Variants in CTRB1 observed in about 807,000 individuals in gnomAD.
CTRB1 encodes chymotrypsinogen B.
Under a neutral mutation model 20.4 loss-of-function variants are expected in CTRB1, and 15 were observed. The observed-to-expected ratio is 0.74, with a 90% CI of 0.49 to 1.13. The LOEUF (loss-of-function observed/expected upper bound fraction) is 1.13. Among genes scored for constraint, CTRB1 ranks in the 50% most tolerant of loss-of-function variants. The pLI is 0.00. For synonymous variants in CTRB1, 92 were observed against 128.4 expected (o/e 0.72, Z 1.92); for missense variants, 227 against 290.1 (o/e 0.78, Z 1.58).
At chr16:75,219,852 A>ATG (rs2039055393) in intron 1 of CTRB1, among the ~76,000 whole-genome samples, 1 of 152,250 alleles carries the variant, frequency 6.6e-6, no homozygotes, top group South Asian at 2.1e-4. Context: ...CCTCTCTGGA[A>ATG]TGTGAGCTTG....
intron 1 of CTRB1, among the ~76,000 whole-genome samples, chr16:75,219,312 G>T (rs1395672594): frequency 6.6e-6 from 1 of 152,124 alleles, no homozygotes; most frequent in Non-Finnish European, 1.5e-5. Flanking sequence ...GCAGGGTAAG[G>T]TGTGGCCCCA....
rs183928375 is a variant in CTRB1 at position 75,220,529 on chromosome 16, C to T, written c.52+1470C>T. Among the ~76,000 whole-genome samples, 121 of 152,194 alleles carry T rather than the reference C, an allele frequency of 8.0e-4. 1 individual carries two copies. The highest frequency in any genetic ancestry group is 2.6e-3 in the African/African-American group (106 of 41,538). On this transcript the variant is annotated intron_variant, in intron 1 of 6. Coordinates refer to ENST00000361017, the MANE Select transcript of CTRB1 (RefSeq NM_001906.6). ...CAGGCTGGTCTCGAAATCCTGTGCT[C>T]GAGTGATCTGCTCACCTCAACCTCC...
rs563039725 is a variant in CTRB1 at position 75,220,184 on chromosome 16, T to G, written c.52+1125T>G. On this transcript the variant is annotated intron_variant, in intron 1 of 6. Coordinates refer to ENST00000361017, the MANE Select transcript of CTRB1 (RefSeq NM_001906.6). Reference sequence around the variant, plus strand: ...TAGAGATGGAGGTTTTTTTTGTTATTTTTTTTTCTTTTCTTTGAGACAGAG... The same window carrying G: ...TAGAGATGGAGGTTTTTTTTGTTATGTTTTTTTCTTTTCTTTGAGACAGAG... Among the ~76,000 whole-genome samples, 95 of 150,892 alleles carry G rather than the reference T, an allele frequency of 6.3e-4. 1 individual carries two copies. The South Asian group carries it at 8.2e-3, about 13-fold the overall frequency.
intron 6 of CTRB1, 139 bp downstream of exon 6, chr16:75,224,327 C>A: frequency 1.3e-6 from 2 of 1,488,282 alleles, no homozygotes; most frequent in Non-Finnish European, 9.1e-7. Flanking sequence ...AATTCCATGG[C>A]CAATGTCAGA....
chr16:75,219,981 TTTTTGG>T lies in CTRB1; in HGVS notation c.52+946_52+951del, dbSNP rs11275637. Among the ~76,000 whole-genome samples the T allele has an allele frequency of 6.7e-4, 102 of 151,916 alleles. 1 individual carries two copies. The highest frequency in any genetic ancestry group is 2.2e-3 in the Admixed American group (33 of 15,282). ...ATCAATGGAACGGTATTCTATCCTG[TTTTTGG>T]TTTTGGTTTTGGTTTTGGTTTTGAG... On this transcript the variant is annotated intron_variant, in intron 1 of 6. Coordinates refer to ENST00000361017, the MANE Select transcript of CTRB1 (RefSeq NM_001906.6).
At position 75,222,884 on chromosome 16, in the gene CTRB1, T is replaced by A; in HGVS notation, c.156+13T>A. The A allele has an allele frequency of 6.7e-7, 1 of 1,486,320 alleles. No homozygotes were observed. Among genetic ancestry groups the A allele is most frequent in the South Asian group, 1.3e-5 (1 of 77,914 alleles). 92.1% of individuals were successfully genotyped at this position (1,486,320 alleles called of 1,614,324 possible). On this transcript the variant is annotated intron_variant, in intron 2 of 6. Transcript: ENST00000361017. ...GGTGTCCCTGCAGGTGAGGGGGTTC[T>A]GCAAGGTGGGGGGCACCCTGGGTAG... is the stretch of plus-strand genomic sequence containing the variant.
Position 75,223,586 on chromosome 16 carries a change from A to AAGT in CTRB1, c.454_455insAGT (p.Thr152delinsLysSer). 3.4e-6 allele frequency: 2 copies of AAGT among 587,686 alleles called. No homozygotes were observed. Among genetic ancestry groups the AAGT allele is most frequent in the Non-Finnish European group, 5.6e-6 (2 of 360,194 alleles). The allele number at this position is 587,686 out of a possible 1,614,324, so 36.4% of individuals were successfully genotyped here. On this transcript the variant is annotated protein_altering_variant, in exon 5 of 7. Coordinates refer to ENST00000361017, the MANE Select transcript of CTRB1 (RefSeq NM_001906.6). ...CGCCGACGACGACTTCCCCGCGGGGACACTGTGTGCCACCACAGGCTGGGG... is the reference window on the plus strand; with the variant it reads ...CGCCGACGACGACTTCCCCGCGGGGAAGTCACTGTGTGCCACCACAGGCTGGGG...
intron 1 of CTRB1, among the ~76,000 whole-genome samples, chr16:75,219,471 A>G (rs1044909629): frequency 6.6e-6 from 1 of 151,348 alleles, no homozygotes; most frequent in African/African-American, 2.4e-5. Flanking sequence ...CACTTACTGC[A>G]ACCTCCATCT....
chr16:75,220,835 T>C (rs1214168830), intron 1 of CTRB1, among the ~76,000 whole-genome samples: 1 of 152,030 alleles, frequency 6.6e-6, no homozygotes, highest in Non-Finnish European at 1.5e-5. Context: ...TTCGGCTCAC[T>C]GCAACCTCCA....
In CTRB1 at chr16:75,224,744, G is replaced by C. The variant is rs762856592; in HGVS notation, c.670G>C (p.Ala224Pro). The C allele has an allele frequency of 4.3e-6, 7 of 1,613,666 alleles. No homozygotes were observed. Among genetic ancestry groups the C allele is most frequent in the South Asian group, 1.1e-5 (1 of 91,070 alleles). Residue 224 changes from alanine to proline, a missense_variant, in exon 7 of 7, where the codon GCC becomes CCC. Coordinates refer to ENST00000361017, the MANE Select transcript of CTRB1 (RefSeq NM_001906.6). ...CCCCCTGGTCTGCCAAAAGGATGGA[G>C]CCTGGACCCTGGTGGGCATTGTGTC... ...GGPLVCQKDG[A>P]WTLVGIVSWG...
At chr16:75,221,832 G>A (rs946985782) in intron 1 of CTRB1, among the ~76,000 whole-genome samples, 3 of 151,712 alleles carry the variant, frequency 2.0e-5, no homozygotes, top group Non-Finnish European at 4.4e-5. Context: ...GGAGGCCGAG[G>A]CGGGTGGATC....
chr16:75,221,031 AT>A (rs2039075876), intron 1 of CTRB1, among the ~76,000 whole-genome samples: 1 of 151,954 alleles, frequency 6.6e-6, no homozygotes, highest in Admixed American at 6.6e-5. Flanking sequence ...GCTCTTTCTC[AT>A]TTTTTTGCTA....
At chr16:75,220,182 AT>A (rs80038049) in intron 1 of CTRB1, among the ~76,000 whole-genome samples, 3 of 141,834 alleles carry the variant, frequency 2.1e-5, no homozygotes, top group South Asian at 2.3e-4. Context: ...TTTTTTTGTT[AT>A]TTTTTTTTCT....
intron 1 of CTRB1, 77 bp downstream of exon 1, chr16:75,219,136 C>CA: frequency 2.0e-6 from 3 of 1,465,688 alleles, no homozygotes; most frequent in Non-Finnish European, 2.8e-6. Context: ...GTCCCCTGCT[C>CA]TGCCCCCTGG....
At chr16:75,221,179 CG>C (rs56164258) in intron 1 of CTRB1, among the ~76,000 whole-genome samples, 108,650 of 151,766 alleles carry the variant, frequency 0.72, 39,241 homozygotes, top group East Asian at 0.97. Flanking sequence ...GTCTGAGGGA[CG>C]CGGGTGTGCT....
chr16:75,224,847 A>C lies in CTRB1; in HGVS notation c.773A>C (p.Lys258Thr), dbSNP rs1661070146. ...ACCAAGCTCATACCTTGGGTGCAGAAGATCCTGGCTGCCAACTGAGCCCGC... is the reference window on the plus strand; with the variant it reads ...ACCAAGCTCATACCTTGGGTGCAGACGATCCTGGCTGCCAACTGAGCCCGC... ...RVTKLIPWVQKILAAN is the reference protein window; with the variant it reads ...RVTKLIPWVQTILAAN The change falls in exon 7 of 7, where the codon AAG becomes ACG. Residue 258 changes from lysine to threonine, a missense_variant. By Grantham distance (78) the Lys-to-Thr change is moderately conservative. Coordinates refer to ENST00000361017, the MANE Select transcript of CTRB1 (RefSeq NM_001906.6). 6.2e-7 allele frequency: 1 copy of C among 1,613,938 alleles called. No homozygotes were observed. The highest frequency in any genetic ancestry group is 1.3e-5 in the African/African-American group (1 of 75,064).
chr16:75,220,425 C>G (rs888040091), intron 1 of CTRB1, among the ~76,000 whole-genome samples: 2 of 152,174 alleles, frequency 1.3e-5, no homozygotes, highest in African/African-American at 2.4e-5. Context: ...CTCCAGTGAT[C>G]CGCCCACCTC....
At chr16:75,222,160 G>A in intron 1 of CTRB1, among the ~76,000 whole-genome samples, 1 of 114,452 alleles carries the variant, frequency 8.7e-6, no homozygotes. Flanking sequence ...GACCCTAACT[G>A]GAAAAAAAAA....
chr16:75,222,086 A>G (rs79799303), intron 1 of CTRB1, among the ~76,000 whole-genome samples: 3 of 139,858 alleles, frequency 2.1e-5, no homozygotes, highest in South Asian at 2.3e-4. Context: ...AAAAAAAAAA[A>G]GGAATTTGAG....
Sources: allele counts gnomAD v4.1 joint callset (sites outside exome capture counted in the v4.1 genomes callset), GRCh38; gene constraint gnomAD v4.1.1; transcripts MANE v1.5; gene names NCBI Gene and HGNC (gene_info 2026-07-23, HGNC 2026-07-21).